Variants in EMCN observed in about 807,000 individuals in gnomAD.
EMCN encodes the protein endomucin, also known as MUC-14.
EMCN carries 37 observed loss-of-function variants against 38.4 expected under a neutral mutation model. That is an observed-to-expected ratio of 0.96 (90% CI 0.74 to 1.27). The LOEUF (loss-of-function observed/expected upper bound fraction) is 1.27, where lower values mean the gene tolerates loss of function less well. Among genes scored for constraint, EMCN ranks in the 50% most tolerant of loss-of-function variants. The pLI is 0.00. For missense variants in EMCN, 318 were observed against 302.8 expected, an observed-to-expected ratio of 1.05 and a Z score of -0.37; for synonymous variants, 95 against 100.8, an observed-to-expected ratio of 0.94 and a Z score of 0.35.
At chr4:100,426,641 T>C (rs1425068219) in intron 5 of EMCN, among the ~76,000 whole-genome samples, 4 of 152,176 alleles carry the variant, frequency 2.6e-5, no homozygotes, top group Admixed American at 1.3e-4. Flanking sequence ...AAAGGCCACT[T>C]CTTATTGGGA....
intron 10 of EMCN, among the ~76,000 whole-genome samples, chr4:100,411,290 G>A (rs1726545484): frequency 6.6e-6 from 1 of 152,122 alleles, no homozygotes; most frequent in South Asian, 2.1e-4. Flanking sequence ...CCTGCTCCAA[G>A]GCAATCTTTT....
chr4:100,457,054 C>T (rs1204052689), intron 4 of EMCN, among the ~76,000 whole-genome samples: 5 of 151,570 alleles, frequency 3.3e-5, no homozygotes, highest in Non-Finnish European at 2.9e-5. Context: ...TGAAATGTTC[C>T]TATTTATTTC....
At chr4:100,452,894 C>G (rs150818017) in intron 4 of EMCN, among the ~76,000 whole-genome samples, 3,153 of 152,212 alleles carry the variant, frequency 0.021, 117 homozygotes, top group African/African-American at 0.072. Context: ...ACTATCTGAT[C>G]TTTGACAAAC....
intron 11 of EMCN, 107 bp downstream of exon 11, chr4:100,410,175 C>A (rs2110209319): frequency 2.4e-6 from 2 of 828,642 alleles, no homozygotes; most frequent in East Asian, 2.5e-5. Flanking sequence ...TTGACACAAA[C>A]CATTAGCTTT....
intron 5 of EMCN, among the ~76,000 whole-genome samples, chr4:100,439,286 CTT>C (rs1459148852): frequency 1.3e-5 from 2 of 151,820 alleles, no homozygotes; most frequent in East Asian, 3.8e-4. Context: ...TCTTTGATCT[CTT>C]TATTTGTTAT....
intron 3 of EMCN, among the ~76,000 whole-genome samples, chr4:100,473,365 GTTTTTTT>G (rs1728536794): frequency 2.0e-4 from 6 of 29,838 alleles, no homozygotes; most frequent in African/African-American, 4.0e-4. Context: ...CCCGTTTCGT[GTTTTTTT>G]GTTTTTTTTT....
At chr4:100,516,003 T>TG (rs34427568) in intron 1 of EMCN, among the ~76,000 whole-genome samples, 56,103 of 151,850 alleles carry the variant, frequency 0.37, 10,992 homozygotes, top group East Asian at 0.74. Context: ...AGGTTTGGTT[T>TG]GTTTGTTTGT....
At chr4:100,416,152 CT>C (rs1726727203) in intron 9 of EMCN, among the ~76,000 whole-genome samples, 193 bp from the exon 10 acceptor site, 1 of 151,572 alleles carries the variant, frequency 6.6e-6, no homozygotes. Context: ...AGAACTTTGT[CT>C]TTTCACATAC....
At chr4:100,473,646 G>T (rs1728557193) in intron 3 of EMCN, among the ~76,000 whole-genome samples, 1 of 151,936 alleles carries the variant, frequency 6.6e-6, no homozygotes, top group Non-Finnish European at 1.5e-5. Context: ...CCAGACATCG[G>T]AAGTCCACAA....
chr4:100,452,613 A>G (rs537855741), intron 4 of EMCN, among the ~76,000 whole-genome samples: 1 of 152,094 alleles, frequency 6.6e-6, no homozygotes, highest in Non-Finnish European at 1.5e-5. Context: ...AGTGTGCAAG[A>G]TATCTCCTTT....
intron 11 of EMCN, among the ~76,000 whole-genome samples, chr4:100,409,772 A>G (rs1437779516): frequency 6.6e-6 from 1 of 152,250 alleles, no homozygotes; most frequent in African/African-American, 2.4e-5. Flanking sequence ...GTCCTTATAG[A>G]GAGAGGGCAA....
At position 100,486,251 on chromosome 4, in the gene EMCN, A is replaced by T. The variant is rs1196371382; in HGVS notation, c.65-6212T>A. 2.6e-5 allele frequency among the ~76,000 whole-genome samples: 4 copies of T among 152,346 alleles called. No individual in the cohort carries two copies. The South Asian group carries it at 8.3e-4, about 32-fold the overall frequency. On this transcript the variant is annotated intron_variant, in intron 1 of 11. Transcript: ENST00000296420. ...AAAATTTTTCAAGAAAAGCCAGATA[A>T]CTGAACACAACAGGGAAAGAAAAAA... is the stretch of plus-strand genomic sequence containing the variant.
At chr4:100,425,149 G>GCGCACACA (rs1553927262) in intron 5 of EMCN, among the ~76,000 whole-genome samples, 1 of 141,140 alleles carries the variant, frequency 7.1e-6, no homozygotes, top group Non-Finnish European at 1.5e-5. Flanking sequence ...TCTGAATCCA[G>GCGCACACA]CACACACACA....
intron 4 of EMCN, among the ~76,000 whole-genome samples, chr4:100,463,747 C>A (rs1209190175): frequency 6.6e-6 from 1 of 152,094 alleles, no homozygotes; most frequent in Non-Finnish European, 1.5e-5. Context: ...TGGAATCATA[C>A]CACATGTCAT....
chr4:100,506,838 T>C (rs1438389155), intron 1 of EMCN, among the ~76,000 whole-genome samples: 2 of 152,160 alleles, frequency 1.3e-5, no homozygotes, highest in African/African-American at 4.8e-5. Context: ...AATGAACCAG[T>C]TGACAAATTT....
intron 3 of EMCN, among the ~76,000 whole-genome samples, chr4:100,473,381 T>TTTG (rs1553930789): frequency 4.9e-5 from 6 of 123,692 alleles, no homozygotes; most frequent in South Asian, 3.0e-4. Flanking sequence ...TTGTTTTTTT[T>TTTG]TTTTGTTTTT....
chr4:100,424,001 G>A (rs574014589), intron 5 of EMCN, among the ~76,000 whole-genome samples: 17 of 151,644 alleles, frequency 1.1e-4, no homozygotes, highest in Admixed American at 5.3e-4. Flanking sequence ...ACTAGCATCC[G>A]TGCTCTTTTT....
chr4:100,406,300 G>A (rs1726390754), intron 11 of EMCN, among the ~76,000 whole-genome samples: 1 of 151,734 alleles, frequency 6.6e-6, no homozygotes, highest in South Asian at 2.1e-4. Flanking sequence ...GTTCTTATTT[G>A]TTTAGTTCCT....
chr4:100,411,133 G>A (rs1361841392), intron 10 of EMCN, among the ~76,000 whole-genome samples: 1 of 152,108 alleles, frequency 6.6e-6, no homozygotes, highest in Non-Finnish European at 1.5e-5. Flanking sequence ...GGGACTCTGA[G>A]GATGTCACCT....
Sources: gnomAD v4.1 joint callset for allele counts (sites outside exome capture counted in the v4.1 genomes callset) on GRCh38, gnomAD v4.1.1 for gene constraint, MANE v1.5 for transcripts, NCBI Gene and HGNC (gene_info 2026-07-23, HGNC 2026-07-21) for gene names.